Variants in WDPCP observed in about 807,000 individuals in gnomAD.
The protein encoded by WDPCP is WD repeat containing planar cell polarity effector, also known as WD repeat-containing and planar cell polarity effector protein fritz homolog.
In WDPCP, 71 loss-of-function variants were observed where a neutral mutation model predicts 93.1. The ratio of observed to expected loss-of-function variants is 0.76; its 90% CI spans 0.63 to 0.93. The LOEUF is 0.93. Among genes scored for constraint, WDPCP ranks in the 40% least tolerant of loss-of-function variants. The pLI is 0.00. For synonymous variants in WDPCP, 315 were observed against 315.0 expected (o/e 1.00, Z 0.00); for missense variants, 844 against 887.4 (o/e 0.95, Z 0.62).
At chr2:63,181,456 T>C (rs1348293890) in intron 14 of WDPCP, among the ~76,000 whole-genome samples, 3 of 152,140 alleles carry the variant, frequency 2.0e-5, no homozygotes, top group Admixed American at 2.0e-4. Context: ...GGATGTCCTT[T>C]CCTCAGGGTA....
intron 1 of WDPCP, among the ~76,000 whole-genome samples, chr2:63,499,115 G>A (rs557250960): frequency 6.6e-6 from 1 of 152,192 alleles, no homozygotes; most frequent in African/African-American, 2.4e-5. Context: ...ATATAATCAG[G>A]GTAGCAGATA....
intron 1 of WDPCP, among the ~76,000 whole-genome samples, chr2:63,815,291 T>C (rs1670918171): frequency 6.6e-6 from 1 of 152,154 alleles, no homozygotes; most frequent in Non-Finnish European, 1.5e-5. Context: ...GGAACAAATA[T>C]TCAATAAGAA....
At chr2:63,458,216 G>A (rs1220733298) in intron 6 of WDPCP, among the ~76,000 whole-genome samples, 2 of 129,802 alleles carry the variant, frequency 1.5e-5, no homozygotes, top group South Asian at 2.8e-4. Context: ...CCTAGACAGA[G>A]CAGTCAGGCA....
intron 6 of WDPCP, among the ~76,000 whole-genome samples, chr2:63,451,704 T>A (rs193216461): frequency 0.014 from 2,146 of 152,252 alleles, 29 homozygotes; most frequent in Middle Eastern, 0.024. Flanking sequence ...AACAAAATAC[T>A]GGCAAACCGA....
At chr2:63,219,849 A>G (rs560502040) in intron 14 of WDPCP, among the ~76,000 whole-genome samples, 1 of 152,196 alleles carries the variant, frequency 6.6e-6, no homozygotes, top group East Asian at 1.9e-4. Context: ...CTGAAAATAC[A>G]AAAATTAGCC....
At chr2:63,218,112 C>T (rs761596538) in intron 14 of WDPCP, among the ~76,000 whole-genome samples, 1 of 152,022 alleles carries the variant, frequency 6.6e-6, no homozygotes, top group Non-Finnish European at 1.5e-5. Context: ...TGGATTAAAA[C>T]CTTTAATACT....
At chr2:63,232,169 C>T (rs1316708306) in intron 14 of WDPCP, among the ~76,000 whole-genome samples, 2 of 152,152 alleles carry the variant, frequency 1.3e-5, no homozygotes, top group Non-Finnish European at 2.9e-5. Flanking sequence ...ACGCCTTATA[C>T]AAAAATTAAT....
chr2:63,380,936 A>G (rs1309935842), intron 11 of WDPCP, among the ~76,000 whole-genome samples: 2 of 152,204 alleles, frequency 1.3e-5, no homozygotes, highest in Admixed American at 6.5e-5. Context: ...TATCCAAACA[A>G]CTTGTTTATT....
In WDPCP at chr2:63,588,300, C is replaced by G; in HGVS notation, c.-29G>C. 6.4e-7 allele frequency: 1 copy of G among 1,562,230 alleles called. No homozygotes were observed. Among genetic ancestry groups the G allele is most frequent in the Non-Finnish European group, 8.7e-7 (1 of 1,151,290 alleles). ...CAGACACTACCCCGGGCAGAAGGTT[C>G]CTAGGCTAGGTCCTCGGACCCGAGA... On this transcript the variant is annotated 5_prime_UTR_variant, in exon 1 of 18. Transcript: ENST00000272321.
intron 2 of WDPCP, among the ~76,000 whole-genome samples, chr2:63,719,925 T>G (rs1016337286): frequency 1.3e-5 from 2 of 152,302 alleles, no homozygotes; most frequent in Non-Finnish European, 1.5e-5. Flanking sequence ...AGTATTTATA[T>G]AGCAATCATC....
intron 14 of WDPCP, among the ~76,000 whole-genome samples, chr2:63,182,307 T>G (rs1674306267): frequency 6.6e-6 from 1 of 152,118 alleles, no homozygotes; most frequent in Non-Finnish European, 1.5e-5. Context: ...TTTATTATTT[T>G]GCAGTATGTT....
intron 1 of WDPCP, among the ~76,000 whole-genome samples, chr2:63,554,422 G>T (rs753023968): frequency 2.0e-5 from 3 of 151,986 alleles, no homozygotes; most frequent in Non-Finnish European, 4.4e-5. Context: ...TAAATATGTT[G>T]TACTTGATCA....
At chr2:63,512,562 T>C (rs1558736211) in intron 1 of WDPCP, among the ~76,000 whole-genome samples, 2 of 152,164 alleles carry the variant, frequency 1.3e-5, no homozygotes, top group African/African-American at 4.8e-5. Context: ...TATGCAGCCA[T>C]AAAAAACTAA....
chr2:63,763,851 G>A (rs188378441), intron 2 of WDPCP, among the ~76,000 whole-genome samples: 1 of 152,026 alleles, frequency 6.6e-6, no homozygotes, highest in African/African-American at 2.4e-5. Flanking sequence ...GGCTTCAAAC[G>A]GTACAGGGTG....
At chr2:63,819,000 T>C (rs554899332) in intron 1 of WDPCP, among the ~76,000 whole-genome samples, 2 of 152,182 alleles carry the variant, frequency 1.3e-5, no homozygotes, top group Non-Finnish European at 2.9e-5. Context: ...TAAATAGATG[T>C]ATACACACAT....
chr2:63,523,358 T>C (rs1403932302), intron 1 of WDPCP, among the ~76,000 whole-genome samples: 2 of 152,140 alleles, frequency 1.3e-5, no homozygotes, highest in African/African-American at 4.8e-5. Context: ...TCATACTGAA[T>C]GGGCAAAAGC....
At chr2:63,748,220 C>T (rs1669826970) in intron 2 of WDPCP, among the ~76,000 whole-genome samples, 1 of 151,510 alleles carries the variant, frequency 6.6e-6, no homozygotes, top group Non-Finnish European at 1.5e-5. Flanking sequence ...ATCCCTCTTT[C>T]AATCCTTATT....
intron 3 of WDPCP, chr2:63,644,122 A>G (rs1710018606): frequency 3.0e-6 from 1 of 336,554 alleles, no homozygotes; most frequent in South Asian, 2.5e-5. Context: ...GAATTTTTGC[A>G]TCAATGTTCA....
At chr2:63,362,277 T>TTGGGGGTGTGTGTGTGTGTG (rs1553362983) in intron 12 of WDPCP, among the ~76,000 whole-genome samples, 11 of 94,108 alleles carry the variant, frequency 1.2e-4, no homozygotes, top group African/African-American at 4.6e-4. Context: ...TTTTTTTTGG[T>TTGGGGGTGTGTGTGTGTGTG]TGTGTGTGTG....
Sources: allele counts gnomAD v4.1 joint callset (sites outside exome capture counted in the v4.1 genomes callset), GRCh38; gene constraint gnomAD v4.1.1; transcripts MANE v1.5; gene names NCBI Gene and HGNC (gene_info 2026-07-23, HGNC 2026-07-21).